Variants in FOXP2 observed in about 807,000 individuals in gnomAD.
FOXP2 encodes the protein forkhead box P2, also known as forkhead box protein P2.
Under a neutral mutation model 115.8 loss-of-function variants are expected in FOXP2, and 12 were observed. That is an observed-to-expected ratio of 0.10 (90% CI 0.07 to 0.17). The LOEUF (loss-of-function observed/expected upper bound fraction) is 0.17, where lower values mean the gene tolerates loss of function less well. FOXP2 is among the 10% of genes least tolerant of loss of function. The pLI is 1.00. For synonymous variants in FOXP2, 328 were observed against 297.7 expected, an observed-to-expected ratio of 1.10 and a Z score of -1.05; for missense variants, 629 against 843.5, an observed-to-expected ratio of 0.75 and a Z score of 3.15.
At chr7:114,200,066 T>G (rs1160856004) in intron 1 of FOXP2, among the ~76,000 whole-genome samples, 1 of 152,230 alleles carries the variant, frequency 6.6e-6, no homozygotes, top group Non-Finnish European at 1.5e-5. Context: ...CATTAGATTA[T>G]GAATTTTATC....
intron 2 of FOXP2, among the ~76,000 whole-genome samples, chr7:114,337,878 C>CA (rs1797898070): frequency 6.6e-6 from 1 of 151,210 alleles, no homozygotes; most frequent in Non-Finnish European, 1.5e-5. Flanking sequence ...AGTCCACACT[C>CA]TTTCATAACC....
intron 3 of FOXP2, among the ~76,000 whole-genome samples, chr7:114,553,225 G>A (rs1290828247): frequency 5.9e-5 from 9 of 152,146 alleles, no homozygotes; most frequent in Admixed American, 5.9e-4. Context: ...TACAAAATGC[G>A]AGCACTTGGC....
chr7:114,570,287 T>C (rs554506574), intron 3 of FOXP2, among the ~76,000 whole-genome samples: 12 of 151,934 alleles, frequency 7.9e-5, no homozygotes, highest in Non-Finnish European at 1.5e-4. Context: ...AATTTTTATA[T>C]AATAATGCAT....
chr7:114,267,544 C>T (rs1263206705), intron 1 of FOXP2, among the ~76,000 whole-genome samples: 7 of 151,454 alleles, frequency 4.6e-5, no homozygotes, highest in South Asian at 4.2e-4. Context: ...CTGGCTAACA[C>T]GGTGAAAACC....
At chr7:114,409,217 A>G (rs563649819) in intron 2 of FOXP2, among the ~76,000 whole-genome samples, 1 of 152,262 alleles carries the variant, frequency 6.6e-6, no homozygotes, top group South Asian at 2.1e-4. Flanking sequence ...TGTTTAATAT[A>G]TTAAAATTTC....
chr7:114,321,302 C>T (rs192964731), intron 2 of FOXP2, among the ~76,000 whole-genome samples: 2 of 151,766 alleles, frequency 1.3e-5, no homozygotes, highest in Non-Finnish European at 1.5e-5. Context: ...GGGTTCACGC[C>T]ATTCTCCTGC....
Position 114,629,973 on chromosome 7 carries a change from C to G in FOXP2, c.565C>G (p.Gln189Glu). 6.2e-7 allele frequency: 1 copy of G among 1,612,758 alleles called. No homozygotes were observed. The highest frequency in any genetic ancestry group is 8.5e-7 in the Non-Finnish European group (1 of 1,179,846). ...QQQQQQQQQQ[Q>E]QQHPGKQAKE... ...GCAGCAGCAGCAACAGCAGCAGCAGCAGCAACAGCATCCTGGAAAGCAAGC... is the reference window on the plus strand; with the variant it reads ...GCAGCAGCAGCAACAGCAGCAGCAGGAGCAACAGCATCCTGGAAAGCAAGC... Residue 189 changes from glutamine to glutamate, a missense_variant, in exon 5 of 17, where the codon CAG (glutamine) becomes GAG (glutamate). Physicochemically the swap from Gln to Glu is conservative, Grantham distance 29. Around this residue, in one of 9 missense-constraint regions of FOXP2, gnomAD observed 138 missense variants for 205.1 expected, o/e 0.67. Coordinates refer to ENST00000350908, the MANE Select transcript of FOXP2 (RefSeq NM_014491.4).
Position 114,381,024 on chromosome 7 carries a change from T to A in FOXP2, c.-10-45478T>A, listed in dbSNP as rs188750255. On this transcript the variant is annotated intron_variant, in intron 2 of 17. Transcript: ENST00000634411. ...CTTCTTTAGGGCCTGGAAAGCCACT[T>A]CTGCTTCAGGTGTCCATCTTACTAA... Among the ~76,000 whole-genome samples, 60 of 152,320 alleles carry A rather than the reference T, an allele frequency of 3.9e-4. No homozygotes were observed. The East Asian group carries it at 9.1e-3, about 23-fold the overall frequency.
chr7:114,462,277 GAA>G (rs766244858), intron 2 of FOXP2, among the ~76,000 whole-genome samples: 8 of 20,796 alleles, frequency 3.8e-4, no homozygotes, highest in South Asian at 2.8e-3. Context: ...GAGACTCCGT[GAA>G]AAAAAAAAAA....
At chr7:114,475,717 A>C (rs1227101194) in intron 2 of FOXP2, among the ~76,000 whole-genome samples, 4 of 152,000 alleles carry the variant, frequency 2.6e-5, no homozygotes, top group Non-Finnish European at 5.9e-5. Context: ...TTAATTAATA[A>C]TCAAAAACAT....
At chr7:114,391,036 A>G (rs1792585082) in intron 2 of FOXP2, among the ~76,000 whole-genome samples, 1 of 151,974 alleles carries the variant, frequency 6.6e-6, no homozygotes, top group African/African-American at 2.4e-5. Flanking sequence ...AAAATACAAA[A>G]ATTAGCTGGG....
chr7:114,168,887 C>T (rs1039935436), intron 1 of FOXP2, among the ~76,000 whole-genome samples: 1 of 152,180 alleles, frequency 6.6e-6, no homozygotes, highest in African/African-American at 2.4e-5. Context: ...CCAGCCATAG[C>T]TGAAAGGGAC....
chr7:114,238,013 C>CA, intron 1 of FOXP2, among the ~76,000 whole-genome samples: 1 of 152,172 alleles, frequency 6.6e-6, no homozygotes, highest in African/African-American at 2.4e-5. Context: ...CACACACAAA[C>CA]AAAAAATCAA....
At chr7:114,310,927 A>C (rs1236217503) in intron 2 of FOXP2, among the ~76,000 whole-genome samples, 1 of 152,114 alleles carries the variant, frequency 6.6e-6, no homozygotes, top group East Asian at 1.9e-4. Flanking sequence ...CAACCTTTTG[A>C]CTTGAGCCTT....
chr7:114,676,770 G>A (rs1231104800), intron 16 of FOXP2, among the ~76,000 whole-genome samples: 2 of 152,086 alleles, frequency 1.3e-5, no homozygotes. Context: ...AAGATGTAAG[G>A]GAACTGCCTG....
chr7:114,693,097 A>G lies in FOXP2; in HGVS notation c.*3171A>G, dbSNP rs1437356109. On this transcript the variant is annotated 3_prime_UTR_variant, in exon 17 of 17. Coordinates refer to ENST00000350908, the MANE Select transcript of FOXP2 (RefSeq NM_014491.4). Reference sequence around the variant, plus strand: ...ACAATTGCTTAAACCTAGTGGGCTTAAGGCTTATATTCTATGTGGTTGGAT... The same window carrying G: ...ACAATTGCTTAAACCTAGTGGGCTTGAGGCTTATATTCTATGTGGTTGGAT... 1 of 453,894 alleles carries G rather than the reference A, an allele frequency of 2.2e-6. No homozygotes were observed. Among genetic ancestry groups the G allele is most frequent in the Admixed American group, 2.4e-5 (1 of 42,546 alleles). 28.1% of individuals were successfully genotyped at this position (453,894 alleles called of 1,614,324 possible).
chr7:114,523,114 T>A (rs1487538877), intron 2 of FOXP2, among the ~76,000 whole-genome samples: 1 of 152,176 alleles, frequency 6.6e-6, no homozygotes, highest in African/African-American at 2.4e-5. Context: ...TTATCTTCAA[T>A]GAGCTTTGTG....
At chr7:114,465,093 C>T (rs541192093) in intron 2 of FOXP2, among the ~76,000 whole-genome samples, 3 of 152,178 alleles carry the variant, frequency 2.0e-5, no homozygotes, top group South Asian at 4.1e-4. Context: ...TATTAGATTG[C>T]TAAGAGGACA....
chr7:114,512,678 A>C (rs1012270660), intron 2 of FOXP2, among the ~76,000 whole-genome samples: 2 of 152,224 alleles, frequency 1.3e-5, no homozygotes, highest in African/African-American at 2.4e-5. Flanking sequence ...GAATAGGATA[A>C]TCTCAATTTT....
Sources: gnomAD v4.1 joint callset for allele counts (sites outside exome capture counted in the v4.1 genomes callset) on GRCh38, gnomAD v4.1.1 for gene constraint, gnomAD v4.1.1 regional missense constraint, MANE v1.5 for transcripts, NCBI Gene and HGNC (gene_info 2026-07-23, HGNC 2026-07-21) for gene names.